PACRG: variants seen among roughly 807,000 people sequenced by gnomAD.
PACRG encodes parkin coregulated gene protein.
A neutral mutation model predicts 29.7 loss-of-function variants in PACRG; 29 were observed. That is an observed-to-expected ratio of 0.98 (90% CI 0.73 to 1.33). The LOEUF (loss-of-function observed/expected upper bound fraction) is 1.33, where lower values mean the gene tolerates loss of function less well. PACRG is among the 40% of genes most tolerant of loss of function. The pLI is 0.00. For synonymous variants in PACRG, 116 were observed against 118.7 expected (o/e 0.98, Z 0.15); for missense variants, 279 against 316.2 (o/e 0.88, Z 0.89).
chr6:163,204,390 T>G (rs1232365130), intron 4 of PACRG, among the ~76,000 whole-genome samples: 1 of 152,230 alleles, frequency 6.6e-6, no homozygotes, highest in African/African-American at 2.4e-5. Context: ...ATACAAAAAT[T>G]CTAACCTTTT....
At chr6:162,947,303 A>AT (rs1799101275) in intron 2 of PACRG, among the ~76,000 whole-genome samples, 1 of 46,402 alleles carries the variant, frequency 2.2e-5, no homozygotes, top group Non-Finnish European at 4.8e-5. Context: ...TAATCATATA[A>AT]TATATATAAT....
intron 2 of PACRG, among the ~76,000 whole-genome samples, chr6:162,886,258 G>A (rs1315502222): frequency 6.6e-6 from 1 of 152,070 alleles, no homozygotes; most frequent in Non-Finnish European, 1.5e-5. Flanking sequence ...TCCTGGACAA[G>A]TCTCTGTTGT....
Position 163,218,372 on chromosome 6 carries a change from T to A in PACRG, c.614-96455T>A, listed in dbSNP as rs76445425. On this transcript the variant is annotated intron_variant, in intron 4 of 4. Coordinates refer to ENST00000366888, the MANE Select transcript of PACRG (RefSeq NM_001080379.2). ...AATTATTCCACTTTCTACTGCAATT[T>A]TCATGCTAGAAATAAATTCCTTTTT... is the stretch of plus-strand genomic sequence containing the variant. Among the ~76,000 whole-genome samples, 98 of 152,312 alleles carry A rather than the reference T, an allele frequency of 6.4e-4. 2 individuals are homozygous for A. The East Asian group carries it at 0.017, about 27-fold the overall frequency.
At chr6:162,791,609 T>C (rs1784952869) in intron 1 of PACRG, among the ~76,000 whole-genome samples, 1 of 152,184 alleles carries the variant, frequency 6.6e-6, no homozygotes, top group African/African-American at 2.4e-5. Context: ...ATGTGTGTAA[T>C]GAATTAATGA....
chr6:163,287,656 A>G (rs1177286000), intron 4 of PACRG, among the ~76,000 whole-genome samples: 2 of 152,238 alleles, frequency 1.3e-5, no homozygotes, highest in African/African-American at 4.8e-5. Context: ...AACACTTGGA[A>G]TGGAAGCATT....
chr6:163,131,106 G>A (rs1480101203), intron 4 of PACRG, among the ~76,000 whole-genome samples: 1 of 151,974 alleles, frequency 6.6e-6, no homozygotes, highest in African/African-American at 2.4e-5. Flanking sequence ...AGGAGATCGA[G>A]ACCATCCTGG....
At chr6:162,784,924 A>C (rs925537357) in intron 1 of PACRG, among the ~76,000 whole-genome samples, 8 of 152,168 alleles carry the variant, frequency 5.3e-5, no homozygotes, top group Non-Finnish European at 8.8e-5. Context: ...TGTTTCAGTG[A>C]TCAAAATCCT....
intron 1 of PACRG, among the ~76,000 whole-genome samples, chr6:162,751,574 A>G (rs1379837564): frequency 6.6e-6 from 1 of 152,082 alleles, no homozygotes; most frequent in Non-Finnish European, 1.5e-5. Context: ...CTTATTCTCA[A>G]ACTTAATTGT....
intron 2 of PACRG, among the ~76,000 whole-genome samples, chr6:162,983,676 G>A (rs1372280622): frequency 6.6e-6 from 1 of 152,020 alleles, no homozygotes; most frequent in Non-Finnish European, 1.5e-5. Context: ...TAAGAAGTCT[G>A]TTGTTAGTCT....
rs1396057292 is a variant in PACRG, at chr6:163,269,782, C to CAGAA, written c.614-45034_614-45031dup. Among the ~76,000 whole-genome samples, 65 of 70,698 alleles carry CAGAA rather than the reference C, an allele frequency of 9.2e-4. 12 individuals are homozygous for CAGAA. Among genetic ancestry groups the CAGAA allele is most frequent in the Non-Finnish European group, 1.7e-3 (58 of 34,514 alleles). 46.4% of individuals were successfully genotyped at this position (70,698 alleles called of 152,430 possible). On this transcript the variant is annotated intron_variant, in intron 4 of 4. Coordinates refer to ENST00000366888, the MANE Select transcript of PACRG (RefSeq NM_001080379.2). ...AGAGAGAGACAGACAGACAGACAGACAGAAAGAAAGAAAGGAAGGAAGGAA... is the reference window on the plus strand; with the variant it reads ...AGAGAGAGACAGACAGACAGACAGACAGAAAGAAAGAAAGAAAGGAAGGAAGGAA...
chr6:162,749,677 T>A (rs1467830775), intron 1 of PACRG, among the ~76,000 whole-genome samples: 1 of 152,042 alleles, frequency 6.6e-6, no homozygotes, highest in East Asian at 1.9e-4. Context: ...TGCACCACCA[T>A]GCCCAACTGA....
At chr6:163,174,542 A>G (rs1309580056) in intron 4 of PACRG, among the ~76,000 whole-genome samples, 2 of 152,232 alleles carry the variant, frequency 1.3e-5, no homozygotes, top group South Asian at 4.1e-4. Flanking sequence ...GAACCAGTCT[A>G]TCTCATTGCC....
intron 1 of PACRG, among the ~76,000 whole-genome samples, chr6:162,745,968 T>G (rs1268975413): frequency 1.3e-5 from 2 of 152,158 alleles, no homozygotes; most frequent in African/African-American, 4.8e-5. Context: ...GTATAAATAA[T>G]AATTTATATT....
chr6:162,738,143 C>T (rs1780305687), intron 1 of PACRG, among the ~76,000 whole-genome samples: 1 of 152,128 alleles, frequency 6.6e-6, no homozygotes, highest in Admixed American at 6.5e-5. Flanking sequence ...TAGAGGCAAG[C>T]AGGATCCTGA....
chr6:162,864,975 G>GACTT (rs1163832895), intron 2 of PACRG, among the ~76,000 whole-genome samples: 1 of 152,148 alleles, frequency 6.6e-6, no homozygotes, highest in Non-Finnish European at 1.5e-5. Context: ...AATGCCTTTA[G>GACTT]ACTTACATAG....
chr6:163,166,237 T>C (rs1778803451), intron 4 of PACRG: 2 of 455,738 alleles, frequency 4.4e-6, no homozygotes, highest in South Asian at 1.5e-5. Context: ...CTCTCCTCTT[T>C]GACTGTTTTG....
chr6:162,891,833 A>T (rs1001065562), intron 2 of PACRG, among the ~76,000 whole-genome samples: 27 of 152,154 alleles, frequency 1.8e-4, no homozygotes, highest in African/African-American at 3.9e-4. Context: ...GCTGATCCAG[A>T]TGGCACTGGC....
At chr6:162,736,853 T>G (rs535218048) in intron 1 of PACRG, among the ~76,000 whole-genome samples, 32 of 152,264 alleles carry the variant, frequency 2.1e-4, no homozygotes, top group African/African-American at 7.2e-4. Context: ...TATGCTAATA[T>G]TTTACATGTT....
intron 4 of PACRG, among the ~76,000 whole-genome samples, chr6:163,157,205 C>T (rs981245): frequency 0.074 from 11,325 of 152,260 alleles, 1,347 homozygotes; most frequent in African/African-American, 0.25. Context: ...CTCCGTCCCG[C>T]GTCCAGTAGT....
Sources: allele counts gnomAD v4.1 joint callset (sites outside exome capture counted in the v4.1 genomes callset), GRCh38; gene constraint gnomAD v4.1.1; transcripts MANE v1.5; gene names NCBI Gene and HGNC (gene_info 2026-07-23, HGNC 2026-07-21).